The following TENM1 variants were observed in gnomAD, a reference collection of about 807,000 sequenced individuals.
The protein encoded by TENM1 is teneurin-1.
A neutral mutation model predicts 174.8 loss-of-function variants in TENM1; 35 were observed. The observed-to-expected ratio is 0.20, with a 90% CI of 0.15 to 0.27. The LOEUF is 0.27. Ranked by LOEUF, TENM1 falls within the 10% of genes least tolerant of loss-of-function variation. The pLI, the probability that TENM1 is intolerant of heterozygous loss-of-function variation, is 1.00. For missense variants in TENM1, 1,633 were observed against 2,130.1 expected (o/e 0.77, Z 4.59); for synonymous variants, 781 against 798.7 (o/e 0.98, Z 0.37).
intron 11 of TENM1, among the ~76,000 whole-genome samples, chrX:124,592,003 G>T (rs754802295): frequency 3.9e-4 from 44 of 111,852 alleles, no homozygotes; most frequent in African/African-American, 1.4e-3. Context: ...CTTCGGCTTG[G>T]TCTAGTCTAT....
At chrX:124,387,589 C>T (rs5958480) in intron 28 of TENM1, among the ~76,000 whole-genome samples, 50,127 of 110,857 alleles carry the variant, frequency 0.45, 8,352 homozygotes, top group African/African-American at 0.55. Context: ...GTGAATTACA[C>T]AAGTATATGT....
chrX:124,758,869 G>A (rs1439953195), intron 3 of TENM1, among the ~76,000 whole-genome samples: 1 of 111,507 alleles, frequency 9.0e-6, no homozygotes, highest in Non-Finnish European at 1.9e-5. Context: ...TGATTTCCAG[G>A]AGTTGAGAGG....
At chrX:124,392,444 TAG>T (rs1479963097) in intron 27 of TENM1, 96 bp from the exon 31 acceptor site, 6 of 727,716 alleles carry the variant, frequency 8.2e-6, no homozygotes, top group Non-Finnish European at 1.2e-5. Flanking sequence ...TATCCAACGA[TAG>T]AGTCTGTCTT....
intron 11 of TENM1, among the ~76,000 whole-genome samples, chrX:124,583,247 AC>A (rs1304834924): frequency 9.0e-6 from 1 of 111,090 alleles, no homozygotes; most frequent in Non-Finnish European, 1.9e-5. Context: ...TGGGTCCCTG[AC>A]CCCTGACCCC....
At chrX:125,179,047 G>C in the TENM1 span, among the ~76,000 whole-genome samples, 1 of 110,344 alleles carries the variant, frequency 9.1e-6, no homozygotes. Context: ...CCTGAAATAA[G>C]GAAATGACCT....
At chrX:124,445,319 G>A (rs2060954367) in intron 23 of TENM1, among the ~76,000 whole-genome samples, 2 of 111,940 alleles carry the variant, frequency 1.8e-5, no homozygotes, top group Non-Finnish European at 3.8e-5. Flanking sequence ...GGGGGAGGTA[G>A]TACTAATTCC....
chrX:124,996,654 T>A, the TENM1 span, among the ~76,000 whole-genome samples: 9 of 110,115 alleles, frequency 8.2e-5, no homozygotes, highest in African/African-American at 3.0e-4. Context: ...AATTTCCACA[T>A]CCTCAGAATC....
the TENM1 span, among the ~76,000 whole-genome samples, chrX:125,024,284 T>TA: frequency 9.1e-6 from 1 of 110,347 alleles, no homozygotes; most frequent in African/African-American, 3.3e-5. Flanking sequence ...ATCACAGCAC[T>TA]ATTCACAATA....
intron 3 of TENM1, among the ~76,000 whole-genome samples, chrX:124,807,676 A>C (rs140044313): frequency 8.3e-4 from 92 of 110,855 alleles, no homozygotes; most frequent in African/African-American, 2.9e-3. Flanking sequence ...TGACATTAAA[A>C]AATCAAAATG....
chrX:124,740,847 T>C (rs2053782471), intron 3 of TENM1, among the ~76,000 whole-genome samples: 1 of 111,253 alleles, frequency 9.0e-6, no homozygotes, highest in African/African-American at 3.3e-5. Context: ...AGAACACCAA[T>C]TCTAGGGGTT....
At chrX:124,394,231 C>G (rs1301492210) in intron 27 of TENM1, among the ~76,000 whole-genome samples, 1 of 112,087 alleles carries the variant, frequency 8.9e-6, no homozygotes, top group Non-Finnish European at 1.9e-5. Flanking sequence ...TAAACTGATT[C>G]ACTAGCTACT....
intron 11 of TENM1, among the ~76,000 whole-genome samples, chrX:124,625,051 C>T (rs2050604528): frequency 8.9e-6 from 1 of 111,852 alleles, no homozygotes; most frequent in Admixed American, 9.5e-5. Flanking sequence ...ACTGGGTTTC[C>T]TGATCAAAGA....
chrX:124,475,661 A>G (rs1360453361), intron 22 of TENM1, among the ~76,000 whole-genome samples: 3 of 111,758 alleles, frequency 2.7e-5, no homozygotes, highest in Admixed American at 1.9e-4. Flanking sequence ...CTTCCTGGAC[A>G]GTGTGCTCTT....
chrX:124,803,405 T>C (rs913674682), intron 3 of TENM1, among the ~76,000 whole-genome samples: 14 of 111,504 alleles, frequency 1.3e-4, no homozygotes, highest in South Asian at 7.6e-4. Flanking sequence ...AGCGCTCTTA[T>C]CTCTTGCTGG....
At chrX:124,937,177 A>G (rs2058258617) in intron 1 of TENM1, among the ~76,000 whole-genome samples, 1 of 112,390 alleles carries the variant, frequency 8.9e-6, no homozygotes. Context: ...TCAACAAATG[A>G]TATAATAATA....
chrX:125,133,073 A>G, the TENM1 span, among the ~76,000 whole-genome samples: 7 of 110,534 alleles, frequency 6.3e-5, no homozygotes, highest in South Asian at 2.7e-3. Flanking sequence ...TGCTCACTGC[A>G]ACCTCCGCCT....
At chrX:125,177,207 C>T in the TENM1 span, among the ~76,000 whole-genome samples, 6 of 112,312 alleles carry the variant, frequency 5.3e-5, no homozygotes, top group Non-Finnish European at 1.1e-4. Context: ...CTATTACACA[C>T]AGTGACATGC....
At chrX:125,053,899 G>C in the TENM1 span, among the ~76,000 whole-genome samples, 1 of 111,395 alleles carries the variant, frequency 9.0e-6, no homozygotes, top group African/African-American at 3.3e-5. Context: ...TTCAGCCCAA[G>C]CAGTCTGGCT....
At chrX:124,585,502 C>G (rs1368593557) in intron 11 of TENM1, among the ~76,000 whole-genome samples, 1 of 111,432 alleles carries the variant, frequency 9.0e-6, no homozygotes, top group South Asian at 3.8e-4. Context: ...AACAAAGACA[C>G]AACATACCAG....
Sources: allele counts gnomAD v4.1 joint callset (sites outside exome capture counted in the v4.1 genomes callset), GRCh38; gene constraint gnomAD v4.1.1; transcripts MANE v1.5; gene names NCBI Gene and HGNC (gene_info 2026-07-23, HGNC 2026-07-21).